Variants in DENND1B observed in about 807,000 individuals in gnomAD.
DENND1B encodes the protein DENN domain containing 1B, also known as DENN domain-containing protein 1B.
A neutral mutation model predicts 90.1 loss-of-function variants in DENND1B; 59 were observed. That is an observed-to-expected ratio of 0.65 (90% CI 0.53 to 0.81). DENND1B has a LOEUF of 0.81. Among genes scored for constraint, DENND1B ranks in the 40% least tolerant of loss-of-function variants. DENND1B has a pLI of 0.00. For missense variants in DENND1B, 862 were observed against 912.6 expected (o/e 0.94, Z 0.71); for synonymous variants, 337 against 324.6 (o/e 1.04, Z -0.41).
At chr1:197,736,878 C>A (rs546186589) in intron 2 of DENND1B, among the ~76,000 whole-genome samples, 36 of 152,262 alleles carry the variant, frequency 2.4e-4, no homozygotes, top group African/African-American at 8.4e-4. Flanking sequence ...TTTTTATTTG[C>A]GACTGCTGAG....
chr1:197,617,124 T>G (rs1225326472), intron 11 of DENND1B, among the ~76,000 whole-genome samples: 1 of 151,078 alleles, frequency 6.6e-6, no homozygotes, highest in African/African-American at 2.4e-5. Flanking sequence ...TCATGGTGGA[T>G]CAAGGCTGAG....
chr1:197,583,024 TAAAC>T (rs1674380989), intron 15 of DENND1B, 124 bp downstream of exon 15: 3 of 798,986 alleles, frequency 3.8e-6, no homozygotes, highest in Non-Finnish European at 6.1e-6. Context: ...ACTTACAAAA[TAAAC>T]AAAAATTTCC....
chr1:197,606,727 ATTCTTTT>A (rs1354320311), intron 13 of DENND1B: 1 of 170,794 alleles, frequency 5.9e-6, no homozygotes, highest in African/African-American at 2.4e-5. Context: ...AAACTCTCTC[ATTCTTTT>A]GCAAGACATG....
intron 15 of DENND1B, among the ~76,000 whole-genome samples, chr1:197,565,248 G>A (rs1558246867): frequency 1.3e-5 from 2 of 151,846 alleles, no homozygotes; most frequent in Admixed American, 1.3e-4. Context: ...AAAATCTGTA[G>A]CTAACATAAA....
intron 15 of DENND1B, 133 bp downstream of exon 15, chr1:197,583,019 C>A (rs1674380511): frequency 2.6e-6 from 2 of 758,946 alleles, no homozygotes; most frequent in Non-Finnish European, 4.3e-6. Context: ...CTACGACTTA[C>A]AAAATAAACA....
intron 2 of DENND1B, among the ~76,000 whole-genome samples, chr1:197,760,238 T>G (rs2102455087): frequency 6.6e-6 from 1 of 152,290 alleles, no homozygotes; most frequent in South Asian, 2.1e-4. Context: ...TAGCAGTAAG[T>G]GATGCAAGGT....
chr1:197,762,323 G>C (rs898183763), intron 2 of DENND1B, among the ~76,000 whole-genome samples: 1 of 151,686 alleles, frequency 6.6e-6, no homozygotes, highest in East Asian at 1.9e-4. Flanking sequence ...CTAGAGTGCA[G>C]TGGCACAATC....
At chr1:197,574,455 T>C (rs1243443406) in intron 15 of DENND1B, among the ~76,000 whole-genome samples, 1 of 152,156 alleles carries the variant, frequency 6.6e-6, no homozygotes, top group African/African-American at 2.4e-5. Flanking sequence ...CACAAACAAA[T>C]GGAAGAACAT....
At chr1:197,758,188 C>G (rs977483583) in intron 2 of DENND1B, among the ~76,000 whole-genome samples, 1 of 152,156 alleles carries the variant, frequency 6.6e-6, no homozygotes, top group African/African-American at 2.4e-5. Context: ...TTATTCTCTG[C>G]TAAATATCCT....
At chr1:197,554,936 A>G in intron 15 of DENND1B, among the ~76,000 whole-genome samples, 1 of 152,086 alleles carries the variant, frequency 6.6e-6, no homozygotes, top group Non-Finnish European at 1.5e-5. Context: ...AGAAAAAATT[A>G]AGAAAGAATA....
At chr1:197,562,783 T>C (rs1016367190) in intron 15 of DENND1B, among the ~76,000 whole-genome samples, 3 of 151,974 alleles carry the variant, frequency 2.0e-5, no homozygotes, top group Admixed American at 2.0e-4. Context: ...CCAGGCCTCT[T>C]GCACCAAGCA....
intron 2 of DENND1B, among the ~76,000 whole-genome samples, chr1:197,771,928 A>G (rs1656667487): frequency 6.6e-6 from 1 of 152,246 alleles, no homozygotes; most frequent in African/African-American, 2.4e-5. Flanking sequence ...ACATATGCAC[A>G]ATACACAATA....
intron 20 of DENND1B, among the ~76,000 whole-genome samples, chr1:197,527,230 T>C (rs1220152663): frequency 6.6e-6 from 1 of 152,118 alleles, no homozygotes; most frequent in Non-Finnish European, 1.5e-5. Flanking sequence ...CAGTATTTTT[T>C]TTATGGACAT....
At chr1:197,624,726 A>G (rs1051673847) in intron 10 of DENND1B, among the ~76,000 whole-genome samples, 2 of 151,904 alleles carry the variant, frequency 1.3e-5, no homozygotes, top group African/African-American at 4.8e-5. Context: ...TCTGAGCTAC[A>G]GGAGGAAATT....
intron 3 of DENND1B, among the ~76,000 whole-genome samples, chr1:197,694,735 C>T (rs1658256996): frequency 6.6e-6 from 1 of 151,216 alleles, no homozygotes; most frequent in Non-Finnish European, 1.5e-5. Flanking sequence ...CTATAGATTG[C>T]TGCATAACAT....
Position 197,505,324 on chromosome 1 carries a change from ACAT to A in DENND1B, c.*5133_*5135del, listed in dbSNP as rs1460353912. On this transcript the variant is annotated 3_prime_UTR_variant, in exon 23 of 23. Transcript: ENST00000620048. ...GGTTTTAAATTCTGCCTTGTCCTAA[ACAT>A]CATATAATCAACCAAAGTGTAGATT... 6.6e-6 allele frequency: 1 copy of A among 151,738 alleles called. No individual in the cohort carries two copies. Among genetic ancestry groups the A allele is most frequent in the Non-Finnish European group, 1.5e-5 (1 of 67,776 alleles). 9.4% of individuals were successfully genotyped at this position (151,738 alleles called of 1,614,324 possible).
intron 3 of DENND1B, among the ~76,000 whole-genome samples, chr1:197,675,495 A>T (rs1655966514): frequency 6.6e-6 from 1 of 152,020 alleles, no homozygotes. Context: ...TTATAATCAT[A>T]ATCATGTACC....
chr1:197,527,464 T>C (rs1294976955), intron 20 of DENND1B, among the ~76,000 whole-genome samples: 1 of 152,106 alleles, frequency 6.6e-6, no homozygotes, highest in Non-Finnish European at 1.5e-5. Context: ...GTATTTTTAG[T>C]AGAGATGGAG....
chr1:197,761,996 ATTT>A, intron 2 of DENND1B: 1 of 152,010 alleles, frequency 6.6e-6, no homozygotes, highest in Admixed American at 6.6e-5. Flanking sequence ...TTTACATTCA[ATTT>A]TTTTTAAGAT....
Sources: allele counts gnomAD v4.1 joint callset (sites outside exome capture counted in the v4.1 genomes callset), GRCh38; gene constraint gnomAD v4.1.1; transcripts MANE v1.5; gene names NCBI Gene and HGNC (gene_info 2026-07-23, HGNC 2026-07-21).